Variants in TMEM232 observed in about 807,000 individuals in gnomAD.
TMEM232 encodes the protein transmembrane protein 232.
In TMEM232, 80 loss-of-function variants were observed where a neutral mutation model predicts 78.8. The observed-to-expected ratio is 1.01, with a 90% CI of 0.85 to 1.22. TMEM232 has a LOEUF of 1.22. Ranked by LOEUF, TMEM232 falls within the 50% of genes most tolerant of loss-of-function variation. The pLI is 0.00. For missense variants in TMEM232, 881 were observed against 742.2 expected (o/e 1.19, Z -2.17); for synonymous variants, 297 against 254.3 (o/e 1.17, Z -1.60).
intron 11 of TMEM232, among the ~76,000 whole-genome samples, chr5:110,534,415 T>C (rs76510886): frequency 3.3e-5 from 5 of 152,202 alleles, no homozygotes; most frequent in Admixed American, 2.0e-4. Context: ...ACAATACTTT[T>C]ATCACTTTCC....
chr5:110,694,071 A>G (rs1454897821), intron 1 of TMEM232, among the ~76,000 whole-genome samples: 1 of 152,182 alleles, frequency 6.6e-6, no homozygotes, highest in Non-Finnish European at 1.5e-5. Flanking sequence ...CGGGATACCC[A>G]CAAAGGGAAG....
chr5:110,669,952 C>G (rs1014048109), intron 1 of TMEM232, among the ~76,000 whole-genome samples: 15 of 152,122 alleles, frequency 9.9e-5, no homozygotes, highest in Admixed American at 4.6e-4. Flanking sequence ...TAAAAACTCT[C>G]AATAAATTAG....
intron 2 of TMEM232, among the ~76,000 whole-genome samples, chr5:110,410,183 T>C (rs537781203): frequency 7.9e-6 from 1 of 126,698 alleles, no homozygotes; most frequent in African/African-American, 3.3e-5. Flanking sequence ...CATGGAACTC[T>C]GTGTTAATTC....
chr5:110,737,599 T>C (rs938188952), intron 1 of TMEM232, among the ~76,000 whole-genome samples: 7 of 152,230 alleles, frequency 4.6e-5, no homozygotes, highest in Admixed American at 4.6e-4. Context: ...ATTTACCTTT[T>C]TTCAATTAGT....
At chr5:110,529,535 C>T (rs1306652876) in intron 11 of TMEM232, among the ~76,000 whole-genome samples, 2 of 152,114 alleles carry the variant, frequency 1.3e-5, no homozygotes, top group Non-Finnish European at 2.9e-5. Context: ...GCGTGAGCCA[C>T]CATGCCCGGC....
chr5:110,665,832 A>T (rs1444927236), intron 2 of TMEM232, among the ~76,000 whole-genome samples: 3 of 149,254 alleles, frequency 2.0e-5, no homozygotes, highest in Non-Finnish European at 4.4e-5. Context: ...AGGAGTGCCG[A>T]TCACTTGAGG....
chr5:110,420,969 T>C (rs1756570620), intron 13 of TMEM232, among the ~76,000 whole-genome samples: 1 of 130,196 alleles, frequency 7.7e-6, no homozygotes, highest in African/African-American at 4.2e-5. Flanking sequence ...CCTCAATATA[T>C]TTAAAGACAA....
chr5:110,408,456 G>A (rs997128996), intron 2 of TMEM232, among the ~76,000 whole-genome samples: 1 of 151,972 alleles, frequency 6.6e-6, no homozygotes, highest in African/African-American at 2.4e-5. Context: ...GCTGGGTATG[G>A]TGGTGCATGC....
At chr5:110,587,566 T>A (rs1315305245) in intron 10 of TMEM232, among the ~76,000 whole-genome samples, 1 of 151,294 alleles carries the variant, frequency 6.6e-6, no homozygotes, top group Non-Finnish European at 1.5e-5. Flanking sequence ...ACCTTACTCT[T>A]TCCTTGAAAA....
chr5:110,692,939 C>G (rs1794309670), intron 1 of TMEM232, among the ~76,000 whole-genome samples: 1 of 152,192 alleles, frequency 6.6e-6, no homozygotes. Context: ...CCCTGTCTGA[C>G]AGCTTTGAAG....
At chr5:110,448,948 T>C (rs1298333182) in intron 12 of TMEM232, among the ~76,000 whole-genome samples, 2 of 151,770 alleles carry the variant, frequency 1.3e-5, no homozygotes, top group Non-Finnish European at 2.9e-5. Context: ...ACATATAAAG[T>C]GTGACTAAAA....
intron 11 of TMEM232, among the ~76,000 whole-genome samples, chr5:110,544,986 T>C (rs912608565): frequency 6.6e-6 from 1 of 151,334 alleles, no homozygotes. Flanking sequence ...AGTTACGTGA[T>C]CTTCCACAAG....
chr5:110,736,755 T>A (rs1561590251), intron 1 of TMEM232, among the ~76,000 whole-genome samples: 1 of 151,962 alleles, frequency 6.6e-6, no homozygotes. Flanking sequence ...ACTCCTCTAC[T>A]CTCAAAAAAC....
intron 1 of TMEM232, among the ~76,000 whole-genome samples, chr5:110,692,573 G>C (rs573838982): frequency 6.6e-6 from 1 of 152,316 alleles, no homozygotes; most frequent in African/African-American, 2.4e-5. Flanking sequence ...GTGACAGATG[G>C]CACATGGAAT....
chr5:110,520,731 C>G (rs995060719), intron 12 of TMEM232, among the ~76,000 whole-genome samples: 1 of 151,854 alleles, frequency 6.6e-6, no homozygotes, highest in Non-Finnish European at 1.5e-5. Context: ...CCAACTTGAC[C>G]AACATGGAGA....
At chr5:110,628,183 G>A (rs1784651243) in intron 5 of TMEM232, among the ~76,000 whole-genome samples, 1 of 152,018 alleles carries the variant, frequency 6.6e-6, no homozygotes. Flanking sequence ...CCTTAAGTGA[G>A]TCATGAAATC....
At chr5:110,498,187 A>G (rs944604423) in intron 12 of TMEM232, among the ~76,000 whole-genome samples, 2 of 152,196 alleles carry the variant, frequency 1.3e-5, no homozygotes, top group African/African-American at 4.8e-5. Context: ...TGAACTTTGT[A>G]TTAAAGTTCA....
intron 1 of TMEM232, among the ~76,000 whole-genome samples, chr5:110,718,848 T>C: frequency 6.6e-6 from 1 of 152,086 alleles, no homozygotes; most frequent in Non-Finnish European, 1.5e-5. Flanking sequence ...TCAAGTACAC[T>C]GATTATTTAG....
At chr5:110,598,507 C>G (rs1343839229) in intron 10 of TMEM232, among the ~76,000 whole-genome samples, 1 of 152,114 alleles carries the variant, frequency 6.6e-6, no homozygotes, top group East Asian at 1.9e-4. Context: ...CATCCCATTA[C>G]TGGATATATA....
Sources: gnomAD v4.1 joint callset for allele counts (sites outside exome capture counted in the v4.1 genomes callset) on GRCh38, gnomAD v4.1.1 for gene constraint, MANE v1.5 for transcripts, NCBI Gene and HGNC (gene_info 2026-07-23, HGNC 2026-07-21) for gene names.